ANGPT2: variants seen among roughly 807,000 people sequenced by gnomAD.
The protein encoded by ANGPT2 is angiopoietin 2.
In ANGPT2, 28 loss-of-function variants were observed where a neutral mutation model predicts 62.9. The observed-to-expected ratio is 0.44, with a 90% CI of 0.33 to 0.61. ANGPT2 has a LOEUF of 0.61. Ranked by LOEUF, ANGPT2 falls within the 20% of genes least tolerant of loss-of-function variation. ANGPT2 has a pLI of 0.03. For synonymous variants in ANGPT2, 284 were observed against 207.8 expected (o/e 1.37, Z -3.15); for missense variants, 727 against 594.9 (o/e 1.22, Z -2.31).
At chr8:6,532,594 C>A (rs943970289) in intron 1 of ANGPT2, 107 bp from the exon 2 acceptor site, 12 of 703,514 alleles carry the variant, frequency 1.7e-5, no homozygotes, top group Non-Finnish European at 2.3e-5. Context: ...AAAAAAAAAT[C>A]TATCAAAAGA....
chr8:6,502,901 G>A lies in ANGPT2; in HGVS notation c.*200C>T, dbSNP rs1032417113. ...CTAATCACAATTATGGATGTTTAGG[G>A]TCTTGCTTTGGTCCGTTAAGTGATG... On this transcript the variant is annotated 3_prime_UTR_variant, in exon 9 of 9. Transcript: ENST00000629816. 3.9e-5 allele frequency: 23 copies of A among 583,402 alleles called. No individual in the cohort carries two copies. Among genetic ancestry groups the A allele is most frequent in the African/African-American group, 3.4e-4 (18 of 53,518 alleles). 36.1% of individuals were successfully genotyped at this position (583,402 alleles called of 1,614,324 possible). A position where few individuals can be genotyped will look rare whatever the true frequency, so the allele number is the denominator to read the frequency against.
At chr8:6,558,965 C>G (rs1203723593) in intron 1 of ANGPT2, among the ~76,000 whole-genome samples, 1 of 152,026 alleles carries the variant, frequency 6.6e-6, no homozygotes. Context: ...TGCAGTTCCC[C>G]TACCATAGTG....
intron 7 of ANGPT2, among the ~76,000 whole-genome samples, chr8:6,510,297 C>T (rs1340882891): frequency 6.6e-6 from 1 of 152,054 alleles, no homozygotes; most frequent in East Asian, 1.9e-4. Context: ...TCCTCACGTC[C>T]TGATGGAGAA....
At chr8:6,524,819 G>A (rs1407069856) in intron 3 of ANGPT2, among the ~76,000 whole-genome samples, 1 of 152,188 alleles carries the variant, frequency 6.6e-6, no homozygotes, top group Non-Finnish European at 1.5e-5. Flanking sequence ...TGAAGATCAT[G>A]GTTTCACTGA....
At chr8:6,545,036 A>G (rs1176895837) in intron 1 of ANGPT2, among the ~76,000 whole-genome samples, 1 of 152,182 alleles carries the variant, frequency 6.6e-6, no homozygotes, top group African/African-American at 2.4e-5. Context: ...ATCGCTGTCA[A>G]ATGAATGCCA....
At chr8:6,527,879 ACT>A (rs1818644179) in intron 2 of ANGPT2, among the ~76,000 whole-genome samples, 1 of 138,388 alleles carries the variant, frequency 7.2e-6, no homozygotes, top group Non-Finnish European at 1.6e-5. Context: ...AAACCTTTTT[ACT>A]CTTTTCCCCA....
intron 1 of ANGPT2, among the ~76,000 whole-genome samples, chr8:6,536,504 T>C (rs1820526835): frequency 6.6e-6 from 1 of 152,066 alleles, no homozygotes; most frequent in Admixed American, 6.5e-5. Context: ...CACCCCTCAG[T>C]GGAGGGCCAT....
chr8:6,528,618 C>T (rs574437065), intron 2 of ANGPT2, among the ~76,000 whole-genome samples: 2 of 152,384 alleles, frequency 1.3e-5, no homozygotes, highest in African/African-American at 2.4e-5. Context: ...TACTGCGTGG[C>T]ATGAGCAGTG....
chr8:6,503,194 T>G lies in ANGPT2; in HGVS notation c.1395A>C (p.Thr465=), dbSNP rs376387603. 1.7e-4 allele frequency: 277 copies of G among 1,614,218 alleles called. No individual in the cohort carries two copies. Among genetic ancestry groups the G allele is most frequent in the Non-Finnish European group, 1.7e-4 (206 of 1,180,038 alleles). Residue 465 remains threonine (T), a synonymous_variant, in exon 9 of 9, where the codon ACA becomes ACC. Coordinates refer to ENST00000629816, the MANE Select transcript of ANGPT2 (RefSeq NM_001118887.2). ...ACCATTTAATGCCGTTGAACTTATT[T>G]GTGTTCTGCCTCTGTGGATAGTACA... The part of the protein sequence containing the change: ...NGMYYPQRQN[T]NKFNGIKWYY...
Position 6,500,209 on chromosome 8 carries a change from A to T in ANGPT2, c.*2892T>A. On this transcript the variant is annotated 3_prime_UTR_variant, in exon 9 of 9. Transcript: ENST00000629816. ...AAAAACAAAAATGAAAAAAGACTGAATTCTTGGGCAGGTAGTCTTATATCT... is the reference window on the plus strand; with the variant it reads ...AAAAACAAAAATGAAAAAAGACTGATTTCTTGGGCAGGTAGTCTTATATCT... 2.4e-6 allele frequency: 1 copy of T among 421,502 alleles called. No homozygotes were observed. Among genetic ancestry groups the T allele is most frequent in the Non-Finnish European group, 4.4e-6 (1 of 226,750 alleles). The allele number at this position is 421,502 out of a possible 1,614,324, so 26.1% of individuals were successfully genotyped here.
chr8:6,546,551 C>T (rs1190274956), intron 1 of ANGPT2, among the ~76,000 whole-genome samples: 1 of 151,946 alleles, frequency 6.6e-6, no homozygotes, highest in African/African-American at 2.4e-5. Context: ...TTTTTTAAAA[C>T]TCAATTTATA....
intron 2 of ANGPT2, among the ~76,000 whole-genome samples, chr8:6,530,548 C>A (rs868728952): frequency 8.4e-6 from 1 of 118,362 alleles, no homozygotes; most frequent in Non-Finnish European, 1.8e-5. Context: ...GCAAAATCTG[C>A]AGTTACTTTT....
In ANGPT2 at chr8:6,519,987, C is replaced by T; in HGVS notation, c.804G>A (p.Lys268=). The change falls in exon 5 of 9, where the codon AAG becomes AAA. Residue 268 remains lysine (K), a synonymous_variant. Coordinates refer to ENST00000629816, the MANE Select transcript of ANGPT2 (RefSeq NM_001118887.2). The part of the protein sequence containing the change: ...LLTMMSTSNS[K]DPTVAKEEQI... ...GTTCTTCTTTAGCAACAGTGGGGTC[C>T]TTAGCTGCTTTTAAAAAATAGTAAG... The T allele has an allele frequency of 1.2e-6, 2 of 1,613,370 alleles. No homozygotes were observed. The highest frequency in any genetic ancestry group is 1.7e-4 in the Middle Eastern group (1 of 6,054).
intron 1 of ANGPT2, among the ~76,000 whole-genome samples, chr8:6,540,065 C>G (rs1821262203): frequency 6.6e-6 from 1 of 152,192 alleles, no homozygotes; most frequent in South Asian, 2.1e-4. Flanking sequence ...GTCCATGCCT[C>G]TCCTCCTGTG....
chr8:6,503,353 C>G lies in ANGPT2; in HGVS notation c.1328-92G>C. 4 of 1,373,726 alleles carry G rather than the reference C, an allele frequency of 2.9e-6. No individual in the cohort carries two copies. The South Asian group carries it at 5.1e-5, about 17-fold the overall frequency. The allele number at this position is 1,373,726 out of a possible 1,614,324, so 85.1% of individuals were successfully genotyped here. Reference sequence around the variant, plus strand: ...ATACTCAGCTAAGGCAGGAGGCACACTGCAGGCGTGTGGAGTAGGCACATG... The same window carrying G: ...ATACTCAGCTAAGGCAGGAGGCACAGTGCAGGCGTGTGGAGTAGGCACATG... On this transcript the variant is annotated intron_variant, in intron 8 of 8. Coordinates refer to ENST00000629816, the MANE Select transcript of ANGPT2 (RefSeq NM_001118887.2).
At chr8:6,513,581 C>G (rs1299322243) in intron 7 of ANGPT2, 97 bp downstream of exon 7, 1 of 929,478 alleles carries the variant, frequency 1.1e-6, no homozygotes, top group Non-Finnish European at 1.6e-6. Flanking sequence ...GATCTGCCCA[C>G]CTCGGCCTCC....
intron 8 of ANGPT2, among the ~76,000 whole-genome samples, chr8:6,505,481 AATATATATATTCTTT>A (rs1813360747): frequency 1.6e-5 from 1 of 63,528 alleles, no homozygotes; most frequent in Non-Finnish European, 3.4e-5. Flanking sequence ...ACATATATAG[AATATATATATTCTTT>A]ATATATGTAT....
intron 3 of ANGPT2, among the ~76,000 whole-genome samples, chr8:6,523,947 T>C (rs1296874508): frequency 1.3e-5 from 2 of 152,050 alleles, no homozygotes; most frequent in Non-Finnish European, 2.9e-5. Context: ...GACACTACAT[T>C]ATTCAGCACC....
chr8:6,559,970 A>G (rs890929834), intron 1 of ANGPT2, among the ~76,000 whole-genome samples: 5 of 152,222 alleles, frequency 3.3e-5, no homozygotes, highest in Non-Finnish European at 7.3e-5. Context: ...TTTGCCGGAC[A>G]GATTAAAGGG....
Sources: gnomAD v4.1 joint callset for allele counts (sites outside exome capture counted in the v4.1 genomes callset) on GRCh38, gnomAD v4.1.1 for gene constraint, MANE v1.5 for transcripts, NCBI Gene and HGNC (gene_info 2026-07-23, HGNC 2026-07-21) for gene names.